CACNA1D: variants seen among roughly 807,000 people sequenced by gnomAD.
CACNA1D encodes calcium voltage-gated channel subunit alpha1 D.
CACNA1D carries 55 observed loss-of-function variants against 257.1 expected under a neutral mutation model. The observed-to-expected ratio is 0.21, with a 90% CI of 0.17 to 0.27. CACNA1D has a LOEUF of 0.27. Among genes scored for constraint, CACNA1D ranks in the 10% least tolerant of loss-of-function variants. The pLI is 1.00. For synonymous variants in CACNA1D, 980 were observed against 1,014.9 expected, an observed-to-expected ratio of 0.97 and a Z score of 0.65; for missense variants, 1,876 against 2,784.0, an observed-to-expected ratio of 0.67 and a Z score of 7.34.
intron 3 of CACNA1D, among the ~76,000 whole-genome samples, chr3:53,625,785 C>G (rs538641001): frequency 3.3e-5 from 5 of 152,266 alleles, no homozygotes; most frequent in Non-Finnish European, 7.4e-5. Flanking sequence ...TTTTCTTAAT[C>G]AGTTACCAAT....
intron 3 of CACNA1D, among the ~76,000 whole-genome samples, chr3:53,524,604 G>C (rs1202960649): frequency 6.6e-6 from 1 of 152,200 alleles, no homozygotes; most frequent in Non-Finnish European, 1.5e-5. Flanking sequence ...ATGTGACATA[G>C]GTCAGGGGTA....
chr3:53,683,097 G>C (rs910190868), intron 8 of CACNA1D, among the ~76,000 whole-genome samples: 4 of 152,194 alleles, frequency 2.6e-5, no homozygotes, highest in African/African-American at 9.7e-5. Flanking sequence ...TCAGGGCAGA[G>C]TATGGGTGAG....
intron 43 of CACNA1D, 89 bp from the exon 44 acceptor site, chr3:53,803,334 C>T: frequency 1.4e-6 from 2 of 1,481,332 alleles, no homozygotes; most frequent in Non-Finnish European, 1.9e-6. Flanking sequence ...AGCACCCGGG[C>T]AGGGTTGCCG....
Position 53,801,284 on chromosome 3 carries a change from C to T in CACNA1D, c.5267C>T (p.Ala1756Val). 1 of 1,614,110 alleles carries T rather than the reference C, an allele frequency of 6.2e-7. No individual in the cohort carries two copies. Among genetic ancestry groups the T allele is most frequent in the Non-Finnish European group, 8.5e-7 (1 of 1,180,002 alleles). The change falls in exon 42 of 48, where the codon GCC becomes GTC. Residue 1756 changes from alanine (A) to valine (V), a missense_variant. This residue lies in a region of CACNA1D where 491 missense variants were observed against 554.3 expected (regional missense o/e 0.89). Coordinates refer to ENST00000350061, the MANE Select transcript of CACNA1D (RefSeq NM_001128840.3). ...AAGCAAGTTCCCACCTCAACAAATG[C>T]CAATCTCAATAATGCCAATATGTCC... is the stretch of plus-strand genomic sequence containing the variant. ...IGKQVPTSTN[A>V]NLNNANMSKA...
intron 3 of CACNA1D, among the ~76,000 whole-genome samples, chr3:53,600,117 G>C (rs927184750): frequency 2.6e-5 from 4 of 152,234 alleles, no homozygotes; most frequent in African/African-American, 4.8e-5. Context: ...CCCTTTGTCA[G>C]GGCCTCTGTC....
chr3:53,735,305 A>T (rs933275348), intron 19 of CACNA1D, 69 bp from the exon 20 acceptor site: 1 of 1,476,716 alleles, frequency 6.8e-7, no homozygotes, highest in Admixed American at 1.7e-5. Flanking sequence ...CAGTGGCCCC[A>T]CACTCTTAAG....
rs556488427 is a variant in CACNA1D, at chr3:53,703,092, G to A, written c.1390+282G>A. Among the ~76,000 whole-genome samples, 7 of 152,346 alleles carry A rather than the reference G, an allele frequency of 4.6e-5. No homozygotes were observed. The East Asian group carries it at 1.2e-3, about 25-fold the overall frequency. ...TGTTGGCCTGGGAAATTCAGTAAGC[G>A]CATTTCTGTGCGGGCACAGGGGTGA... is the stretch of plus-strand genomic sequence containing the variant. On this transcript the variant is annotated intron_variant, in intron 9 of 47. Coordinates refer to ENST00000350061, the MANE Select transcript of CACNA1D (RefSeq NM_001128840.3).
chr3:53,724,707 C>T (rs1295492685), intron 14 of CACNA1D, among the ~76,000 whole-genome samples: 1 of 152,176 alleles, frequency 6.6e-6, no homozygotes, highest in Non-Finnish European at 1.5e-5. Flanking sequence ...GTCCTCATTG[C>T]TTTTCCTGTG....
At chr3:53,758,072 A>G (rs1330338230) in intron 29 of CACNA1D, among the ~76,000 whole-genome samples, 1 of 152,184 alleles carries the variant, frequency 6.6e-6, no homozygotes, top group Non-Finnish European at 1.5e-5. Context: ...GAAGAAAGGA[A>G]TAAAGGGATG....
At chr3:53,519,705 T>A (rs1432757898) in intron 3 of CACNA1D, among the ~76,000 whole-genome samples, 2 of 152,216 alleles carry the variant, frequency 1.3e-5, no homozygotes, top group Non-Finnish European at 2.9e-5. Context: ...TCAGTGTTTT[T>A]TACTATATTC....
rs1576282696 is a variant in CACNA1D, at chr3:53,664,915, G to A, written c.767-745G>A. 2.1e-5 allele frequency among the ~76,000 whole-genome samples: 3 copies of A among 145,750 alleles called. No homozygotes were observed. The East Asian group carries it at 6.0e-4, about 29-fold the overall frequency. ...GGGTAAAGGAGATAGGGAGAGAGGG[G>A]AGTTGTTGTCGGTCAGCAGCTTGAT... On this transcript the variant is annotated intron_variant, in intron 5 of 47. Transcript: ENST00000350061.
chr3:53,598,588 GAAA>G (rs5848998), intron 3 of CACNA1D, among the ~76,000 whole-genome samples: 1 of 116,422 alleles, frequency 8.6e-6, no homozygotes, highest in Non-Finnish European at 1.9e-5. Flanking sequence ...CTCATCTCCA[GAAA>G]AAAAAAAAAA....
intron 5 of CACNA1D, among the ~76,000 whole-genome samples, chr3:53,661,215 T>G (rs3774519): frequency 0.03 from 4,506 of 152,296 alleles, 92 homozygotes; most frequent in East Asian, 0.097. Flanking sequence ...TGTGCCTGTT[T>G]TTCACAACTC....
chr3:53,623,909 T>C (rs1051380303), intron 3 of CACNA1D, among the ~76,000 whole-genome samples: 31 of 152,194 alleles, frequency 2.0e-4, no homozygotes, highest in African/African-American at 6.5e-4. Flanking sequence ...TAGAAGGAGA[T>C]TGGGAAATTA....
At chr3:53,714,417 C>T (rs1288201909) in intron 9 of CACNA1D, among the ~76,000 whole-genome samples, 1 of 152,180 alleles carries the variant, frequency 6.6e-6, no homozygotes, top group African/African-American at 2.4e-5. Flanking sequence ...GGGTAATTTG[C>T]CCATGGCTTT....
At chr3:53,720,820 T>TA (rs1170956318) in intron 11 of CACNA1D, among the ~76,000 whole-genome samples, 18 of 152,292 alleles carry the variant, frequency 1.2e-4, no homozygotes, top group South Asian at 4.1e-4. Flanking sequence ...ACACAGCCGT[T>TA]AAAAAAATAG....
chr3:53,798,887 G>C (rs977578611), intron 40 of CACNA1D, among the ~76,000 whole-genome samples: 2 of 152,192 alleles, frequency 1.3e-5, no homozygotes, highest in African/African-American at 2.4e-5. Context: ...CTGGGCATCT[G>C]TTCTACCCCA....
chr3:53,735,509 T>A lies in CACNA1D; in HGVS notation c.2751+6T>A. The A allele has an allele frequency of 6.2e-7, 1 of 1,613,920 alleles. No homozygotes were observed. The highest frequency in any genetic ancestry group is 8.5e-7 in the Non-Finnish European group (1 of 1,180,018). ...GCCACTCCTTCCGGAACACGGTAAG[T>A]CCCCAGGGTGGGGCTCGCTCTGGGA... On this transcript the variant is annotated splice_donor_region_variant and intron_variant, in intron 20 of 47. Transcript: ENST00000350061.
chr3:53,738,796 G>GA (rs761939859), intron 20 of CACNA1D, among the ~76,000 whole-genome samples: 11 of 151,852 alleles, frequency 7.2e-5, no homozygotes, highest in African/African-American at 2.4e-4. Context: ...CAGAGTGAGG[G>GA]AAAAAAACAG....
Sources: allele counts gnomAD v4.1 joint callset (sites outside exome capture counted in the v4.1 genomes callset), GRCh38; gene constraint gnomAD v4.1.1; regional missense constraint gnomAD v4.1.1; transcripts MANE v1.5; gene names NCBI Gene and HGNC (gene_info 2026-07-23, HGNC 2026-07-21).